The following UPP2 variants were observed in gnomAD, a reference collection of about 807,000 sequenced individuals.
UPP2 encodes the protein UPase 2.
UPP2 carries 23 observed loss-of-function variants against 26.7 expected under a neutral mutation model. The ratio of observed to expected loss-of-function variants is 0.86; its 90% CI spans 0.62 to 1.22. The LOEUF (loss-of-function observed/expected upper bound fraction) is 1.22, where lower values mean the gene tolerates loss of function less well. UPP2 is among the 50% of genes most tolerant of loss of function. UPP2 has a pLI of 0.00. For missense variants in UPP2, 387 were observed against 396.7 expected, an observed-to-expected ratio of 0.98 and a Z score of 0.21; for synonymous variants, 127 against 141.3, an observed-to-expected ratio of 0.90 and a Z score of 0.72.
intron 3 of UPP2, among the ~76,000 whole-genome samples, chr2:158,085,904 T>C (rs897485525): frequency 2.6e-5 from 4 of 152,084 alleles, no homozygotes; most frequent in African/African-American, 9.7e-5. Flanking sequence ...TCAGTTAATC[T>C]AGTATTTTAT....
chr2:158,114,066 A>G (rs1277552489), intron 2 of UPP2, among the ~76,000 whole-genome samples: 2 of 152,186 alleles, frequency 1.3e-5, no homozygotes, highest in East Asian at 3.8e-4. Context: ...TCTGAGGCAC[A>G]TCGATTATTT....
At chr2:158,117,755 G>A in intron 3 of UPP2, 69 bp from the exon 4 acceptor site, 1 of 1,202,922 alleles carries the variant, frequency 8.3e-7, no homozygotes, top group Non-Finnish European at 1.2e-6. Flanking sequence ...TTGTAATGAT[G>A]GAAGAAATTA....
At chr2:158,000,321 G>C (rs1683385933) in intron 2 of UPP2, among the ~76,000 whole-genome samples, 1 of 152,134 alleles carries the variant, frequency 6.6e-6, no homozygotes, top group South Asian at 2.1e-4. Flanking sequence ...ATCTCTGCAA[G>C]GCAGCCTTAA....
rs373331161 is a variant in UPP2 at position 158,128,006 on chromosome 2, A to G, written c.811+4111A>G. 50 of 985,422 alleles carry G rather than the reference A, an allele frequency of 5.1e-5. No individual in the cohort carries two copies. In the East Asian group the frequency reaches 5.0e-3, roughly 98 times the overall value. The allele number at this position is 985,422 out of a possible 1,614,324, so 61.0% of individuals were successfully genotyped here. A position where few individuals can be genotyped will look rare whatever the true frequency, so the allele number is the denominator to read the frequency against. ...TAAGCCCCAAACATTCTGATGAAAG[A>G]TGATAATCCTCTTGTACTGTGAACT... On this transcript the variant is annotated intron_variant, in intron 6 of 6. Coordinates refer to ENST00000005756, the MANE Select transcript of UPP2 (RefSeq NM_173355.4).
chr2:158,068,583 G>A (rs1682474703), intron 3 of UPP2, among the ~76,000 whole-genome samples: 1 of 151,340 alleles, frequency 6.6e-6, no homozygotes, highest in African/African-American at 2.4e-5. Context: ...AGCCATTTAA[G>A]CATGCTGTTT....
chr2:158,126,141 G>C (rs943603526), intron 6 of UPP2, among the ~76,000 whole-genome samples: 7 of 152,290 alleles, frequency 4.6e-5, no homozygotes, highest in African/African-American at 1.7e-4. Flanking sequence ...AGAAACCTAA[G>C]TGAAGTTATT....
intron 2 of UPP2, among the ~76,000 whole-genome samples, chr2:158,000,920 T>C (rs958047607): frequency 2.0e-5 from 3 of 152,244 alleles, no homozygotes; most frequent in African/African-American, 7.2e-5. Flanking sequence ...TGACCGGGTA[T>C]TTATTAGGTA....
chr2:158,051,446 T>C (rs1445191246), intron 3 of UPP2, among the ~76,000 whole-genome samples: 1 of 152,016 alleles, frequency 6.6e-6, no homozygotes, highest in Non-Finnish European at 1.5e-5. Context: ...CCAGAGGAAA[T>C]GACTAAAATG....
intron 3 of UPP2, among the ~76,000 whole-genome samples, chr2:158,091,708 G>T (rs1323114462): frequency 6.6e-6 from 1 of 152,126 alleles, no homozygotes. Context: ...GATGATCTAG[G>T]CTGGCCCTCA....
intron 3 of UPP2, among the ~76,000 whole-genome samples, chr2:158,068,727 T>C (rs2105184697): frequency 7.7e-6 from 1 of 130,564 alleles, no homozygotes; most frequent in East Asian, 2.5e-4. Flanking sequence ...CTATGATAAA[T>C]AGAATAGGTA....
intron 3 of UPP2, among the ~76,000 whole-genome samples, chr2:158,073,786 A>G (rs1367899249): frequency 6.6e-6 from 1 of 152,200 alleles, no homozygotes; most frequent in Non-Finnish European, 1.5e-5. Context: ...TAGACAAACA[A>G]CAGCTGAGGG....
intron 3 of UPP2, among the ~76,000 whole-genome samples, chr2:158,037,543 G>C (rs142043718): frequency 1.3e-5 from 2 of 152,206 alleles, no homozygotes; most frequent in African/African-American, 4.8e-5. Flanking sequence ...AATTCCTTCT[G>C]AGGCCTCCGA....
intron 2 of UPP2, among the ~76,000 whole-genome samples, chr2:157,997,534 T>A (rs1683339816): frequency 6.6e-6 from 1 of 152,084 alleles, no homozygotes. Context: ...TGAGGACAGA[T>A]TGCTCCTTCA....
chr2:158,050,826 T>C (rs1005864206), intron 3 of UPP2, among the ~76,000 whole-genome samples: 2 of 152,180 alleles, frequency 1.3e-5, no homozygotes, highest in African/African-American at 4.8e-5. Flanking sequence ...TGCACTGAGG[T>C]AGTTAGGAAG....
chr2:157,995,626 T>TA (rs1683313158), intron 2 of UPP2, among the ~76,000 whole-genome samples: 6 of 151,810 alleles, frequency 4.0e-5, no homozygotes, highest in Admixed American at 1.3e-4. Flanking sequence ...TACATAATTT[T>TA]TAAAAAAAAA....
chr2:158,082,474 G>A (rs1682742855), intron 3 of UPP2, among the ~76,000 whole-genome samples: 1 of 152,052 alleles, frequency 6.6e-6, no homozygotes, highest in South Asian at 2.1e-4. Flanking sequence ...CCATTCCTGA[G>A]TGCCTTCACT....
At chr2:157,998,336 AC>A (rs1459377868) in intron 2 of UPP2, among the ~76,000 whole-genome samples, 1 of 152,184 alleles carries the variant, frequency 6.6e-6, no homozygotes, top group Non-Finnish European at 1.5e-5. Context: ...CTTTCCCTTC[AC>A]TAAGATATTC....
intron 3 of UPP2, among the ~76,000 whole-genome samples, chr2:158,092,259 C>T (rs1383273510): frequency 6.6e-6 from 1 of 152,026 alleles, no homozygotes; most frequent in Non-Finnish European, 1.5e-5. Context: ...GCACAGTGAG[C>T]CATGAGAATA....
At chr2:158,077,082 AAATTAAATACCT>A (rs1250212622) in intron 3 of UPP2, among the ~76,000 whole-genome samples, 1 of 152,064 alleles carries the variant, frequency 6.6e-6, no homozygotes, top group Admixed American at 6.6e-5. Context: ...GCCACACATA[AAATTAAATACCT>A]AGGAATTAAC....
Sources: allele counts gnomAD v4.1 joint callset (sites outside exome capture counted in the v4.1 genomes callset), GRCh38; gene constraint gnomAD v4.1.1; transcripts MANE v1.5; gene names NCBI Gene and HGNC (gene_info 2026-07-23, HGNC 2026-07-21).